Variants in LGSN observed in about 807,000 individuals in gnomAD.
LGSN encodes the protein lengsin, lens protein with glutamine synthetase domain.
In LGSN, 21 loss-of-function variants were observed where a neutral mutation model predicts 19.5. That is an observed-to-expected ratio of 1.07 (90% CI 0.76 to 1.55). The LOEUF (loss-of-function observed/expected upper bound fraction) is 1.55. Among genes scored for constraint, LGSN ranks in the 40% most tolerant of loss-of-function variants. LGSN has a pLI of 0.00. For synonymous variants in LGSN, 257 were observed against 215.6 expected (o/e 1.19, Z -1.68); for missense variants, 673 against 608.5 (o/e 1.11, Z -1.12).
chr6:63,478,184 AG>A, the LGSN span, among the ~76,000 whole-genome samples: 2 of 152,220 alleles, frequency 1.3e-5, no homozygotes, highest in African/African-American at 4.8e-5. Context: ...GAAGAGTTCC[AG>A]TTTAGTTGAC....
At chr6:63,554,560 G>T in the LGSN span, among the ~76,000 whole-genome samples, 11 of 152,172 alleles carry the variant, frequency 7.2e-5, no homozygotes, top group African/African-American at 2.7e-4. Flanking sequence ...CACTTTGGGA[G>T]GCCAAGGTGG....
the LGSN span, among the ~76,000 whole-genome samples, chr6:63,494,985 A>T: frequency 6.6e-6 from 1 of 152,218 alleles, no homozygotes; most frequent in African/African-American, 2.4e-5. Context: ...AAATATTAAA[A>T]TACCATGCAT....
intron 1 of LGSN, among the ~76,000 whole-genome samples, chr6:63,311,402 G>A (rs1768623081): frequency 6.6e-6 from 1 of 152,174 alleles, no homozygotes; most frequent in Non-Finnish European, 1.5e-5. Context: ...AACAATTAGG[G>A]CAAATTGATG....
At chr6:63,386,391 T>C in the LGSN span, among the ~76,000 whole-genome samples, 1 of 152,152 alleles carries the variant, frequency 6.6e-6, no homozygotes, top group South Asian at 2.1e-4. Flanking sequence ...GGCTTTTTAA[T>C]TTTTATTTTA....
chr6:63,472,984 T>A, the LGSN span, among the ~76,000 whole-genome samples: 3 of 151,676 alleles, frequency 2.0e-5, no homozygotes, highest in Admixed American at 6.6e-5. Context: ...TAAATAAATT[T>A]TTTTTTGCCC....
At chr6:63,352,620 C>CTGG in the LGSN span, among the ~76,000 whole-genome samples, 152 of 151,988 alleles carry the variant, frequency 1.0e-3, no homozygotes, top group Non-Finnish European at 1.7e-3. Context: ...ATGATCACAC[C>CTGG]ACCGCACTCC....
the LGSN span, among the ~76,000 whole-genome samples, chr6:63,375,945 T>A: frequency 7.9e-5 from 12 of 152,286 alleles, no homozygotes; most frequent in Middle Eastern, 3.4e-3. Flanking sequence ...TAGAACCAAA[T>A]GAAGTGAATG....
At chr6:63,478,419 C>A in the LGSN span, among the ~76,000 whole-genome samples, 16 of 152,164 alleles carry the variant, frequency 1.1e-4, no homozygotes, top group African/African-American at 3.9e-4. Flanking sequence ...TGAAAATGTT[C>A]TGGTAACTAA....
the LGSN span, among the ~76,000 whole-genome samples, chr6:63,363,698 T>C: frequency 1.3e-5 from 2 of 152,134 alleles, no homozygotes; most frequent in Non-Finnish European, 2.9e-5. Flanking sequence ...TATGGGACTA[T>C]GTGAAAAGAC....
chr6:63,380,551 C>T, the LGSN span, among the ~76,000 whole-genome samples: 2 of 152,284 alleles, frequency 1.3e-5, no homozygotes, highest in South Asian at 4.1e-4. Flanking sequence ...GACTTGATAA[C>T]ATTCACTTTC....
the LGSN span, among the ~76,000 whole-genome samples, chr6:63,377,877 G>A: frequency 2.0e-3 from 275 of 135,978 alleles, 1 homozygote; most frequent in African/African-American, 6.0e-3. Flanking sequence ...TCGTGCCATT[G>A]CACTCCAGCC....
At chr6:63,367,456 G>A in the LGSN span, among the ~76,000 whole-genome samples, 3 of 152,044 alleles carry the variant, frequency 2.0e-5, no homozygotes, top group African/African-American at 7.3e-5. Flanking sequence ...TGCTGGAGAG[G>A]ATGTGGAGAA....
At chr6:63,497,151 A>AT in the LGSN span, among the ~76,000 whole-genome samples, 2 of 151,872 alleles carry the variant, frequency 1.3e-5, no homozygotes, top group Non-Finnish European at 1.5e-5. Flanking sequence ...TTTTTAAAAC[A>AT]TTTTTTGTCG....
the LGSN span, among the ~76,000 whole-genome samples, chr6:63,459,358 CAT>C: frequency 6.6e-6 from 1 of 152,154 alleles, no homozygotes; most frequent in Non-Finnish European, 1.5e-5. Context: ...CACAAGCTTA[CAT>C]GTCTACTGAA....
chr6:63,456,371 A>ACTTTTTTTTTTTTT, the LGSN span, among the ~76,000 whole-genome samples: 1 of 113,620 alleles, frequency 8.8e-6, no homozygotes, highest in East Asian at 2.4e-4. Context: ...ATATATATAT[A>ACTTTTTTTTTTTTT]TATATATATA....
chr6:63,512,257 A>G, the LGSN span, among the ~76,000 whole-genome samples: 1 of 151,844 alleles, frequency 6.6e-6, no homozygotes, highest in South Asian at 2.1e-4. Context: ...TAGTTTTTGT[A>G]TTTTTATTAG....
At chr6:63,433,012 T>C in the LGSN span, among the ~76,000 whole-genome samples, 19 of 152,290 alleles carry the variant, frequency 1.2e-4, no homozygotes, top group African/African-American at 4.6e-4. Flanking sequence ...GGAGCAAAAG[T>C]ATCTCTCCCT....
At chr6:63,432,173 A>AAAG in the LGSN span, among the ~76,000 whole-genome samples, 523 of 29,542 alleles carry the variant, frequency 0.018, 22 homozygotes, top group Middle Eastern at 0.037. Flanking sequence ...AAGAAAGAAA[A>AAAG]GGAAAGAAAG....
the LGSN span, among the ~76,000 whole-genome samples, chr6:63,358,670 G>A: frequency 6.6e-6 from 1 of 152,168 alleles, no homozygotes; most frequent in East Asian, 1.9e-4. Flanking sequence ...TGTGATTTTT[G>A]TACATTGATT....
Sources: gnomAD v4.1 joint callset for allele counts (sites outside exome capture counted in the v4.1 genomes callset) on GRCh38, gnomAD v4.1.1 for gene constraint, MANE v1.5 for transcripts, NCBI Gene and HGNC (gene_info 2026-07-23, HGNC 2026-07-21) for gene names.